The following MGAM variants were observed in gnomAD, a reference collection of about 807,000 sequenced individuals.
The protein encoded by MGAM is alpha-1,4-glucosidase.
MGAM carries 253 observed loss-of-function variants against 358.8 expected under a neutral mutation model. That is an observed-to-expected ratio of 0.71 (90% confidence interval 0.64 to 0.78). MGAM has a LOEUF of 0.78. Among genes scored for constraint, MGAM ranks in the 30% least tolerant of loss-of-function variants. The probability of loss-of-function intolerance (pLI) is 0.00; values close to 1 mark genes in which losing one functional copy is unlikely to be tolerated. For missense variants in MGAM, 3,080 were observed against 3,432.6 expected, an observed-to-expected ratio of 0.90 and a Z score of 2.57; for synonymous variants, 1,105 against 1,227.1, an observed-to-expected ratio of 0.90 and a Z score of 2.08.
chr7:142,038,563 A>T lies in MGAM; in HGVS notation c.2264A>T (p.His755Leu). 1 of 1,611,688 alleles carries T rather than the reference A, an allele frequency of 6.2e-7. No individual in the cohort carries two copies. Among genetic ancestry groups the T allele is most frequent in the South Asian group, 1.1e-5 (1 of 90,546 alleles). The change falls in exon 19 of 71, where the codon CAC (histidine) becomes CTC (leucine). Residue 755 changes from histidine (H) to leucine (L), a missense_variant. Coordinates refer to ENST00000475668, the MANE Select transcript of MGAM (RefSeq NM_001365693.1). ...GAGGACAACAGCACTTGGGATGTGC[A>T]CCAACAGTTCTTATGGGGGCCCGGC... ...FYEDNSTWDV[H>L]QQFLWGPGLL...
At chr7:141,994,747 C>A (rs1190796132), upstream of MGAM, among the ~76,000 whole-genome samples, 2 of 152,156 alleles carry the variant, frequency 1.3e-5, no homozygotes, top group Non-Finnish European at 2.9e-5. Context: ...CTCATGAGAT[C>A]TGATGGTTTT....
At chr7:142,066,440 C>A (rs1382463965) in intron 40 of MGAM, 133 bp from the exon 41 acceptor site, 2 of 1,079,284 alleles carry the variant, frequency 1.9e-6, no homozygotes, top group Non-Finnish European at 1.3e-6. Flanking sequence ...TAAGAATATT[C>A]TCTGGGCCTC....
chr7:141,993,408 A>G (rs1308262783), upstream of MGAM, among the ~76,000 whole-genome samples: 1 of 152,242 alleles, frequency 6.6e-6, no homozygotes, highest in Non-Finnish European at 1.5e-5. Context: ...TTTTTTAATT[A>G]TCAAGATCAA....
At chr7:142,040,256 C>T (rs1808388877) in intron 20 of MGAM, 85 bp downstream of exon 20, 4 of 1,081,848 alleles carry the variant, frequency 3.7e-6, no homozygotes, top group Non-Finnish European at 5.6e-6. Context: ...AGAGAAACAT[C>T]CATCTACATG....
intron 18 of MGAM, 52 bp from the exon 19 acceptor site, chr7:142,038,479 A>G: frequency 2.9e-6 from 4 of 1,388,614 alleles, no homozygotes; most frequent in Non-Finnish European, 3.0e-6. Context: ...AGCTGCTACA[A>G]ATCTCATTGG....
At chr7:142,041,946 A>T (rs1260377745) in intron 21 of MGAM, among the ~76,000 whole-genome samples, 1 of 19,984 alleles carries the variant, frequency 5.0e-5, no homozygotes, top group African/African-American at 1.6e-4. Flanking sequence ...TATTATATAT[A>T]TACATATATA....
At chr7:142,059,323 C>A in intron 31 of MGAM, 149 bp from the exon 32 acceptor site, 2 of 1,360,556 alleles carry the variant, frequency 1.5e-6, no homozygotes, top group Admixed American at 2.7e-5. Flanking sequence ...TATTTCCCAG[C>A]ACCTGTACCT....
upstream of MGAM, among the ~76,000 whole-genome samples, chr7:141,992,164 C>T (rs1397710056): frequency 6.6e-6 from 1 of 152,148 alleles, no homozygotes; most frequent in Admixed American, 6.5e-5. Flanking sequence ...CTGACACTTA[C>T]TGAGTATTTA....
chr7:142,042,200 T>A (rs1212418781), intron 21 of MGAM, among the ~76,000 whole-genome samples: 1 of 502 alleles, frequency 2.0e-3, no homozygotes, highest in Non-Finnish European at 2.6e-3. Context: ...ATACATATAA[T>A]ATATAACATA....
chr7:142,060,225 G>T (rs1377790109), intron 33 of MGAM, 86 bp from the exon 34 acceptor site: 1 of 1,546,302 alleles, frequency 6.5e-7, no homozygotes, highest in African/African-American at 1.4e-5. Flanking sequence ...GCTCCTAGGA[G>T]CACGGTTTGT....
chr7:142,098,239 G>A (rs760850230), intron 66 of MGAM, among the ~76,000 whole-genome samples: 29 of 152,070 alleles, frequency 1.9e-4, no homozygotes, highest in Middle Eastern at 3.4e-3. Flanking sequence ...GCTCCTTGCC[G>A]CATAGTTTCT....
intron 21 of MGAM, among the ~76,000 whole-genome samples, chr7:142,045,194 A>G (rs1351195980): frequency 8.7e-5 from 6 of 68,914 alleles, no homozygotes; most frequent in African/African-American, 3.0e-4. Context: ...TATGATATAT[A>G]ATATATATTA....
At chr7:142,073,956 G>T in intron 44 of MGAM, 129 bp from the exon 45 acceptor site, 1 of 696,330 alleles carries the variant, frequency 1.4e-6, no homozygotes, top group Middle Eastern at 2.6e-4. Flanking sequence ...TTTTGTGTTT[G>T]TACCTCAAGA....
intron 5 of MGAM, 86 bp downstream of exon 5, chr7:142,021,169 T>A (rs1412731673): frequency 2.1e-6 from 2 of 939,688 alleles, no homozygotes; most frequent in African/African-American, 1.7e-5. Flanking sequence ...AAATAGAAAA[T>A]TTTGCTACTG....
chr7:142,034,185 C>G, intron 14 of MGAM, 77 bp from the exon 15 acceptor site: 5 of 985,130 alleles, frequency 5.1e-6, no homozygotes, highest in South Asian at 4.4e-5. Context: ...AGGGGGCTGT[C>G]ATTTCGGATT....
rs1816384018 is a variant in MGAM, at chr7:142,100,887, A to G, written c.7960A>G (p.Ile2654Val). 2.5e-6 allele frequency: 4 copies of G among 1,612,522 alleles called. No homozygotes were observed. Among genetic ancestry groups the G allele is most frequent in the Admixed American group, 3.3e-5 (2 of 59,866 alleles). The change falls in exon 68 of 71, where the codon ATT becomes GTT. Residue 2654 changes from isoleucine (I) to valine (V), a missense_variant. Physicochemically the swap from Ile to Val is conservative, Grantham distance 29. Around this residue, in one of 5 missense-constraint regions of MGAM, gnomAD observed 194 missense variants for 172.8 expected, o/e 1.12. Transcript: ENST00000475668. ...GWLFWDDGQS[I>V]DTYGKGLYYL... ...GCTCTTCTGGGATGATGGGCAAAGC[A>G]TTGGTGAGTAGAGGTTGCCTGAGAT...
At chr7:142,100,369 G>A (rs1816333954) in intron 67 of MGAM, among the ~76,000 whole-genome samples, 1 of 152,074 alleles carries the variant, frequency 6.6e-6, no homozygotes, top group African/African-American at 2.4e-5. Context: ...CATCTCTCTG[G>A]TATCAATACT....
At chr7:142,099,879 A>G in intron 67 of MGAM, 142 bp downstream of exon 67, 1 of 1,312,570 alleles carries the variant, frequency 7.6e-7, no homozygotes, top group Non-Finnish European at 1.0e-6. Flanking sequence ...GCTTGTTTGT[A>G]TTTTAACCTT....
At chr7:142,085,227 A>G (rs1236392846) in intron 54 of MGAM, among the ~76,000 whole-genome samples, 1 of 146,602 alleles carries the variant, frequency 6.8e-6, no homozygotes. Context: ...CCAATGTACC[A>G]TCGCATATCT....
Sources: gnomAD v4.1 joint callset for allele counts (sites outside exome capture counted in the v4.1 genomes callset) on GRCh38, gnomAD v4.1.1 for gene constraint, gnomAD v4.1.1 regional missense constraint, MANE v1.5 for transcripts, NCBI Gene and HGNC (gene_info 2026-07-23, HGNC 2026-07-21) for gene names.